Variants in PARP4 observed in about 807,000 individuals in gnomAD.
The protein encoded by PARP4 is poly(ADP-ribose) polymerase family member 4.
In PARP4, 120 loss-of-function variants were observed where a neutral mutation model predicts 187.7. The observed-to-expected ratio is 0.64, with a 90% confidence interval of 0.55 to 0.74. The LOEUF is 0.74. PARP4 is among the 30% of genes least tolerant of loss of function. PARP4 has a pLI of 0.00. For missense variants in PARP4, 1,836 were observed against 2,070.5 expected (o/e 0.89, Z 2.20); for synonymous variants, 654 against 740.9 (o/e 0.88, Z 1.90).
At chr13:24,481,203 C>T (rs1210881330) in intron 12 of PARP4, among the ~76,000 whole-genome samples, 2 of 152,232 alleles carry the variant, frequency 1.3e-5, no homozygotes, top group Non-Finnish European at 2.9e-5. Flanking sequence ...GAATTTTAAG[C>T]CCAATGTATA....
chr13:24,504,619 A>AGTACAGTAAATTTTG (rs1048695167), intron 1 of PARP4, among the ~76,000 whole-genome samples: 6 of 152,138 alleles, frequency 3.9e-5, no homozygotes, highest in Non-Finnish European at 7.4e-5. Context: ...ACTGTACAAC[A>AGTACAGTAAATTTTG]CATTCTCAAT....
At chr13:24,459,369 T>A in intron 18 of PARP4, 59 bp from the exon 19 acceptor site, 1 of 1,419,900 alleles carries the variant, frequency 7.0e-7, no homozygotes, top group Non-Finnish European at 9.6e-7. Context: ...ACAATGAGAC[T>A]AAAGTGAATG....
In PARP4 at chr13:24,446,539, A is replaced by G. The variant is rs1871217766; in HGVS notation, c.3366+142T>C. On this transcript the variant is annotated intron_variant, in intron 27 of 33. Coordinates refer to ENST00000381989, the MANE Select transcript of PARP4 (RefSeq NM_006437.4). ...AAAAAAAATTTCATAATGTTTTAAGAAAGTTTACGAATTTGTATTGGGCTG... is the reference window on the plus strand; with the variant it reads ...AAAAAAAATTTCATAATGTTTTAAGGAAGTTTACGAATTTGTATTGGGCTG... 10 of 620,024 alleles carry G rather than the reference A, an allele frequency of 1.6e-5. No homozygotes were observed. The Admixed American group carries it at 1.6e-4, about 10-fold the overall frequency. 38.4% of individuals were successfully genotyped at this position (620,024 alleles called of 1,614,324 possible). A position where few individuals can be genotyped will look rare whatever the true frequency, so the allele number is the denominator to read the frequency against.
chr13:24,505,183 G>C (rs937219140), intron 1 of PARP4, among the ~76,000 whole-genome samples: 1 of 152,118 alleles, frequency 6.6e-6, no homozygotes. Flanking sequence ...AGAGGAGACA[G>C]AGCTAGAGAG....
intron 32 of PARP4, among the ~76,000 whole-genome samples, chr13:24,427,150 G>A (rs901972809): frequency 6.6e-6 from 1 of 151,956 alleles, no homozygotes; most frequent in African/African-American, 2.4e-5. Flanking sequence ...CCAGTTTTTA[G>A]GCTCCTGTTA....
chr13:24,480,123 G>A (rs766898208), intron 12 of PARP4, among the ~76,000 whole-genome samples: 21 of 152,210 alleles, frequency 1.4e-4, no homozygotes, highest in Non-Finnish European at 2.9e-4. Context: ...AACACTCACC[G>A]CGAGGGTCCG....
At position 24,498,237 on chromosome 13, in the gene PARP4, A is replaced by G. The variant is rs752550618; in HGVS notation, c.478-8T>C. The G allele has an allele frequency of 6.3e-7, 1 of 1,598,700 alleles. No individual in the cohort carries two copies. Among genetic ancestry groups the G allele is most frequent in the South Asian group, 1.1e-5 (1 of 90,696 alleles). On this transcript the variant is annotated splice_polypyrimidine_tract_variant and splice_region_variant and intron_variant, in intron 5 of 33. Transcript: ENST00000381989. ...GCCTCCCTCCATTCCCACCTGGAAA[A>G]CAGGATGTGCTTTCAGAAGCTGCAC...
intron 6 of PARP4, 69 bp downstream of exon 6, chr13:24,498,047 G>T: frequency 9.2e-7 from 1 of 1,091,788 alleles, no homozygotes; most frequent in Non-Finnish European, 1.4e-6. Flanking sequence ...TGGGAGGTCG[G>T]CTGATTCATT....
rs1378292282 is a variant in PARP4 at position 24,459,113 on chromosome 13, CAA to C, written c.2353_2354del (p.Leu785AspfsTer5). The C allele has an allele frequency of 6.2e-7, 1 of 1,606,156 alleles. No homozygotes were observed. The highest frequency in any genetic ancestry group is 8.5e-7 in the Non-Finnish European group (1 of 1,175,136). On this transcript the variant is annotated frameshift_variant, in exon 20 of 34. Coordinates refer to ENST00000381989, the MANE Select transcript of PARP4 (RefSeq NM_006437.4). LOFTEE classifies it high-confidence loss of function. ...CATACGGCATCTCAATAGACATAGT[CAA>C]AGAGAAGCTAGCAAAAATGAAGAGA... ...KEIGTKQSFS[L>X]TMSIEMPYVI... is the part of the protein sequence containing the mutation.
chr13:24,462,661 G>T (rs1391331065), intron 17 of PARP4, among the ~76,000 whole-genome samples: 1 of 152,168 alleles, frequency 6.6e-6, no homozygotes, highest in Non-Finnish European at 1.5e-5. Flanking sequence ...TACAGAAAAG[G>T]TGAGGAATAC....
intron 12 of PARP4, among the ~76,000 whole-genome samples, chr13:24,484,095 C>A (rs1394499313): frequency 6.6e-6 from 1 of 152,188 alleles, no homozygotes; most frequent in Admixed American, 6.5e-5. Context: ...AGCTCTGCAA[C>A]CTTAGGCAAG....
In PARP4 at chr13:24,459,961, T is replaced by C. The variant is rs752394954; in HGVS notation, c.2298+11A>G. On this transcript the variant is annotated intron_variant, in intron 18 of 33. Coordinates refer to ENST00000381989, the MANE Select transcript of PARP4 (RefSeq NM_006437.4). ...TGCCAAAATGCTTCTTCAAATCTTA[T>C]GCGTACAAACCTGAAGGTTTTCATT... 1.7e-5 allele frequency: 27 copies of C among 1,609,186 alleles called. No homozygotes were observed. The highest frequency in any genetic ancestry group is 2.3e-5 in the Non-Finnish European group (27 of 1,177,880).
intron 30 of PARP4, among the ~76,000 whole-genome samples, chr13:24,440,123 C>G (rs912917261): frequency 6.6e-6 from 1 of 152,150 alleles, no homozygotes; most frequent in African/African-American, 2.4e-5. Context: ...TGTAAGAAAG[C>G]AAGGCTGGGG....
intron 17 of PARP4, among the ~76,000 whole-genome samples, chr13:24,464,086 G>T (rs1872335940): frequency 1.3e-5 from 2 of 152,082 alleles, no homozygotes; most frequent in African/African-American, 4.8e-5. Context: ...AATACAGCTA[G>T]CAAGGGAAGT....
intron 25 of PARP4, among the ~76,000 whole-genome samples, chr13:24,448,043 G>A (rs7338925): frequency 0.94 from 142,888 of 152,128 alleles, 67,238 homozygotes; most frequent in East Asian, 0.99. Context: ...TGTCTCTACA[G>A]AAAATTAGCT....
intron 3 of PARP4, among the ~76,000 whole-genome samples, chr13:24,501,173 A>G (rs1334377483): frequency 6.6e-6 from 1 of 152,174 alleles, no homozygotes; most frequent in African/African-American, 2.4e-5. Context: ...GGAAGAGTGC[A>G]TTTTTCATGT....
chr13:24,473,199 T>G (rs1872808816), intron 15 of PARP4, among the ~76,000 whole-genome samples: 1 of 152,088 alleles, frequency 6.6e-6, no homozygotes, highest in South Asian at 2.1e-4. Flanking sequence ...GTCCTGGGAT[T>G]ACAGGCATGA....
intron 26 of PARP4, 55 bp downstream of exon 26, chr13:24,446,961 A>T: frequency 6.5e-7 from 1 of 1,532,992 alleles, no homozygotes; most frequent in South Asian, 1.3e-5. Flanking sequence ...ACAGAAAAAA[A>T]ATTAGCAAAA....
At position 24,435,090 on chromosome 13, in the gene PARP4, C is replaced by G. The variant is rs748416939; in HGVS notation, c.4051G>C (p.Gly1351Arg). ...AACTGTCTGGGAGGAGCAGCTGAACCGAAACTAGCTACCTGACGATATGAG... is the reference window on the plus strand; with the variant it reads ...AACTGTCTGGGAGGAGCAGCTGAACGGAAACTAGCTACCTGACGATATGAG... ...FASYRQVASF[G>R]SAAPPRQFDA... The change falls in exon 31 of 34, where the codon GGT becomes CGT. Residue 1351 changes from glycine to arginine, a missense_variant. Coordinates refer to ENST00000381989, the MANE Select transcript of PARP4 (RefSeq NM_006437.4). 2 of 1,613,960 alleles carry G rather than the reference C, an allele frequency of 1.2e-6. No homozygotes were observed. Among genetic ancestry groups the G allele is most frequent in the Non-Finnish European group, 1.7e-6 (2 of 1,180,034 alleles).
Sources: gnomAD v4.1 joint callset for allele counts (sites outside exome capture counted in the v4.1 genomes callset) on GRCh38, gnomAD v4.1.1 for gene constraint, MANE v1.5 for transcripts, NCBI Gene and HGNC (gene_info 2026-07-23, HGNC 2026-07-21) for gene names.